PLAGL1: variants seen among roughly 807,000 people sequenced by gnomAD.
PLAGL1 encodes zinc finger protein PLAGL1.
In PLAGL1, 1 loss-of-function variant was observed where a neutral mutation model predicts 4.6. That is an observed-to-expected ratio of 0.22 (90% CI 0.08 to 1.03). The LOEUF is 1.03. PLAGL1 is among the 50% of genes least tolerant of loss of function. The probability of loss-of-function intolerance (pLI) is 0.58; values close to 1 mark genes in which losing one functional copy is unlikely to be tolerated. For missense variants in PLAGL1, 464 were observed against 570.4 expected (o/e 0.81, Z 1.90); for synonymous variants, 240 against 237.8 (o/e 1.01, Z -0.08).
rs956572582 is a variant in PLAGL1, at chr6:143,971,529, G to C, written c.-543-2551C>G. Reference sequence around the variant, plus strand: ...CAACAATTTCCCACTTCCAGCTCTGGCTTTAAAAAGAAATAGGTTATAAGT... The same window carrying C: ...CAACAATTTCCCACTTCCAGCTCTGCCTTTAAAAAGAAATAGGTTATAAGT... On this transcript the variant is annotated intron_variant, in intron 2 of 7. Transcript: ENST00000674357. The surrounding 1 kb of genome is among the most constrained non-coding windows in gnomAD (Gnocchi z 4.7). Among the ~76,000 whole-genome samples, 13 of 152,116 alleles carry C rather than the reference G, an allele frequency of 8.5e-5. 1 individual carries two copies.
intron 1 of PLAGL1, among the ~76,000 whole-genome samples, chr6:144,020,441 C>G (rs886143634): frequency 6.6e-6 from 1 of 151,966 alleles, no homozygotes. Context: ...GTGCGGGTCA[C>G]CACACCCAGT....
intron 1 of PLAGL1, among the ~76,000 whole-genome samples, chr6:144,060,800 C>T (rs1368337075): frequency 6.6e-6 from 1 of 152,208 alleles, no homozygotes; most frequent in Admixed American, 6.5e-5. Flanking sequence ...CCGACCTCTT[C>T]AGAGATCAGA....
In PLAGL1 at chr6:144,008,225, C is replaced by T. The variant is rs113189219; in HGVS notation, c.-719G>A. On this transcript the variant is annotated 5_prime_UTR_variant, in exon 1 of 8. Coordinates refer to ENST00000674357, the MANE Select transcript of PLAGL1 (RefSeq NM_001317162.2). The surrounding 1 kb of genome is among the most constrained non-coding windows in gnomAD (Gnocchi z 6.9). The stretch of plus-strand genomic sequence containing the variant: ...TGAGCTGTGAGCACGGCTGCCCCGT[C>T]CGTCCGTCCGTCCAGCACCCGCCCG... The T allele has an allele frequency of 0.021, 3,241 of 151,794 alleles. 49 individuals are homozygous for T. Among genetic ancestry groups the T allele is most frequent in the Non-Finnish European group, 0.029 (1,964 of 67,940 alleles). 9.4% of individuals were successfully genotyped at this position (151,794 alleles called of 1,614,324 possible).
intron 1 of PLAGL1, among the ~76,000 whole-genome samples, chr6:144,019,621 C>G (rs938691905): frequency 6.6e-6 from 1 of 151,902 alleles, no homozygotes; most frequent in African/African-American, 2.4e-5. Flanking sequence ...TCCTAGGAGA[C>G]AAATGCTGAT....
At chr6:144,018,255 T>C (rs1391914756) in intron 1 of PLAGL1, among the ~76,000 whole-genome samples, 2 of 152,202 alleles carry the variant, frequency 1.3e-5, no homozygotes, top group African/African-American at 4.8e-5. Context: ...GAGGACATTA[T>C]GTTAAGTGAA....
At chr6:144,029,207 T>A (rs1369472909) in intron 1 of PLAGL1, among the ~76,000 whole-genome samples, 1 of 152,220 alleles carries the variant, frequency 6.6e-6, no homozygotes, top group Non-Finnish European at 1.5e-5. Flanking sequence ...CATATAAATC[T>A]TTCAACATAT....
At chr6:143,988,560 T>C (rs781582847) in intron 1 of PLAGL1, among the ~76,000 whole-genome samples, 6 of 152,228 alleles carry the variant, frequency 3.9e-5, no homozygotes, top group Non-Finnish European at 8.8e-5. Context: ...TATCCTTTAT[T>C]GTTTTACATG....
rs1395105414 is a variant in PLAGL1 at position 144,034,699 on chromosome 6, A to C, written c.-151+29769T>G. On this transcript the variant is annotated intron_variant, in intron 1 of 3. Transcript: ENST00000437412. This position sits in a 1 kb window ranked among gnomAD's most constrained non-coding sequence, Gnocchi z 4.7. ...CTTTGGAGTTTATTTTATTCTAAAAATCAGGTTTTCCCCCTAGCTTTTAAG... is the reference window on the plus strand; with the variant it reads ...CTTTGGAGTTTATTTTATTCTAAAACTCAGGTTTTCCCCCTAGCTTTTAAG... Among the ~76,000 whole-genome samples the C allele has an allele frequency of 1.3e-5, 2 of 152,208 alleles. No homozygotes were observed. Among genetic ancestry groups the C allele is most frequent in the Admixed American group, 6.5e-5 (1 of 15,276 alleles).
chr6:143,969,230 T>C (rs1267527048), intron 2 of PLAGL1, among the ~76,000 whole-genome samples: 2 of 152,072 alleles, frequency 1.3e-5, no homozygotes, highest in South Asian at 2.1e-4. Context: ...CACAGTATGG[T>C]GCCAGAAAGC....
At chr6:144,012,585 T>G (rs899882059), upstream of PLAGL1, among the ~76,000 whole-genome samples, 6 of 152,206 alleles carry the variant, frequency 3.9e-5, 1 homozygote, top group African/African-American at 1.4e-4. The surrounding 1 kb of genome is among the most constrained non-coding windows in gnomAD (Gnocchi z 4.8). Flanking sequence ...TGTGCCATCT[T>G]TATCCAGAAG....
rs556177101 is a variant in PLAGL1, at chr6:143,994,269, G to A, written c.-583-9095C>T. Reference sequence around the variant, plus strand: ...TGTATTATTTTAATAATCTCAGAAAGGTGTCAGAAAAACGAGGAATTTTCC... The same window carrying A: ...TGTATTATTTTAATAATCTCAGAAAAGTGTCAGAAAAACGAGGAATTTTCC... On this transcript the variant is annotated intron_variant, in intron 1 of 7. Transcript: ENST00000674357. This position sits in a 1 kb window ranked among gnomAD's most constrained non-coding sequence, Gnocchi z 4.3. Among the ~76,000 whole-genome samples, 5 of 152,288 alleles carry A rather than the reference G, an allele frequency of 3.3e-5. No individual in the cohort carries two copies. In the East Asian group the frequency reaches 9.6e-4, roughly 29 times the overall value.
In PLAGL1 at chr6:143,941,333, C is replaced by T. The variant is rs956856457; in HGVS notation, c.*91G>A. The T allele has an allele frequency of 2.1e-5, 21 of 1,000,422 alleles. No individual in the cohort carries two copies. The highest frequency in any genetic ancestry group is 3.9e-5 in the South Asian group (2 of 51,886). 62.0% of individuals were successfully genotyped at this position (1,000,422 alleles called of 1,614,324 possible). A position where few individuals can be genotyped will look rare whatever the true frequency, so the allele number is the denominator to read the frequency against. ...ACTGAATAAGCCATAGTCCCAGTCT[C>T]GTTTTCCAAATCTTTCTCATATTGT... On this transcript the variant is annotated 3_prime_UTR_variant, in exon 8 of 8. Transcript: ENST00000674357. This position sits in a 1 kb window ranked among gnomAD's most constrained non-coding sequence, Gnocchi z 6.0.
chr6:143,987,839 A>G (rs1222501870), intron 1 of PLAGL1, among the ~76,000 whole-genome samples: 1 of 152,206 alleles, frequency 6.6e-6, no homozygotes, highest in Non-Finnish European at 1.5e-5. Context: ...AACTCTGTCT[A>G]AAACATGGGA....
chr6:143,998,503 GC>G (rs1792154558), intron 1 of PLAGL1, among the ~76,000 whole-genome samples: 1 of 152,114 alleles, frequency 6.6e-6, no homozygotes, highest in South Asian at 2.1e-4. Flanking sequence ...TACTTACTTT[GC>G]AAAATTGTAG....
In PLAGL1 at chr6:144,000,063, T is replaced by C. The variant is rs1792506261; in HGVS notation, c.-584+8027A>G. Among the ~76,000 whole-genome samples the C allele has an allele frequency of 6.6e-6, 1 of 152,116 alleles. No individual in the cohort carries two copies. The highest frequency in any genetic ancestry group is 2.4e-5 in the African/African-American group (1 of 41,420). ...CAAGCAATCTGGCTTCACAGTCCAA[T>C]AGATTCAGAAAAAATACTTAATAAA... On this transcript the variant is annotated intron_variant, in intron 1 of 7. Transcript: ENST00000674357. The surrounding 1 kb of genome is among the most constrained non-coding windows in gnomAD (Gnocchi z 4.1).
chr6:143,997,662 G>A lies in PLAGL1; in HGVS notation c.-584+10428C>T, dbSNP rs1791950922. ...CATCATGCAATCACACTCCAGCCTG[G>A]GTGGCAGAGTGAGATACCATCTTGG... is the stretch of plus-strand genomic sequence containing the variant. On this transcript the variant is annotated intron_variant, in intron 1 of 7. Coordinates refer to ENST00000674357, the MANE Select transcript of PLAGL1 (RefSeq NM_001317162.2). This position sits in a 1 kb window ranked among gnomAD's most constrained non-coding sequence, Gnocchi z 4.6. Among the ~76,000 whole-genome samples, 1 of 152,172 alleles carries A rather than the reference G, an allele frequency of 6.6e-6. No homozygotes were observed. Among genetic ancestry groups the A allele is most frequent in the Admixed American group, 6.6e-5 (1 of 15,264 alleles).
chr6:144,053,103 T>C lies in PLAGL1; in HGVS notation c.-151+11365A>G, dbSNP rs1798697598. Reference sequence around the variant, plus strand: ...GATGCTCAACCATATTGGGTCATCCTTATCAGCTACAACCACACATTGCCA... The same window carrying C: ...GATGCTCAACCATATTGGGTCATCCCTATCAGCTACAACCACACATTGCCA... On this transcript the variant is annotated intron_variant, in intron 1 of 3. Coordinates refer to the PLAGL1 transcript ENST00000437412. This position sits in a 1 kb window ranked among gnomAD's most constrained non-coding sequence, Gnocchi z 4.0. 1.3e-5 allele frequency among the ~76,000 whole-genome samples: 2 copies of C among 152,366 alleles called. No homozygotes were observed. The highest frequency in any genetic ancestry group is 4.8e-5 in the African/African-American group (2 of 41,582).
At position 144,055,333 on chromosome 6, in the gene PLAGL1, A is replaced by C. The variant is rs1282532603; in HGVS notation, c.-151+9135T>G. Among the ~76,000 whole-genome samples the C allele has an allele frequency of 6.6e-6, 1 of 152,224 alleles. No homozygotes were observed. The highest frequency in any genetic ancestry group is 2.4e-5 in the African/African-American group (1 of 41,448). ...TCACAAAGCCAAGAACAGAAGCAGC[A>C]CCAGAACCACAACCCACCATGACTT... On this transcript the variant is annotated intron_variant, in intron 1 of 3. Transcript: ENST00000437412. This position sits in a 1 kb window ranked among gnomAD's most constrained non-coding sequence, Gnocchi z 5.0.
rs1788992883 is a variant in PLAGL1, at chr6:143,985,980, AATTATAT to A, written c.-583-813_-583-807del. Among the ~76,000 whole-genome samples the A allele has an allele frequency of 3.7e-5, 2 of 54,004 alleles. No homozygotes were observed. The highest frequency in any genetic ancestry group is 9.7e-5 in the Non-Finnish European group (2 of 20,696). 35.4% of individuals were successfully genotyped at this position (54,004 alleles called of 152,430 possible). ...TATATATCAAATTATATATATATAA[AATTATAT>A]ATATATATATATATATATATATATC... On this transcript the variant is annotated intron_variant, in intron 1 of 7. Transcript: ENST00000674357. The surrounding 1 kb of genome is among the most constrained non-coding windows in gnomAD (Gnocchi z 4.4).
Sources: gnomAD v4.1 joint callset for allele counts (sites outside exome capture counted in the v4.1 genomes callset) on GRCh38, gnomAD v4.1.1 for gene constraint, Gnocchi (gnomAD v3.1) non-coding constraint, MANE v1.5 for transcripts, NCBI Gene and HGNC (gene_info 2026-07-23, HGNC 2026-07-21) for gene names.